CD96: variants seen among roughly 807,000 people sequenced by gnomAD.
CD96 encodes the protein T-cell surface protein tactile.
A neutral mutation model predicts 71.3 loss-of-function variants in CD96; 70 were observed. The observed-to-expected ratio is 0.98, with a 90% confidence interval of 0.81 to 1.20. The LOEUF (loss-of-function observed/expected upper bound fraction) is 1.20. CD96 is among the 50% of genes most tolerant of loss of function. The pLI is 0.00. For missense variants in CD96, 742 were observed against 677.5 expected, an observed-to-expected ratio of 1.10 and a Z score of -1.06; for synonymous variants, 248 against 233.0, an observed-to-expected ratio of 1.06 and a Z score of -0.59.
In CD96 at chr3:111,585,334, A is replaced by T. The variant is rs1179011318; in HGVS notation, c.763A>T (p.Ile255Phe). The T allele has an allele frequency of 1.9e-6, 3 of 1,611,028 alleles. No homozygotes were observed. Among genetic ancestry groups the T allele is most frequent in the East Asian group, 4.5e-5 (2 of 44,836 alleles). The change falls in exon 5 of 14, where the codon ATC becomes TTC. Residue 255 changes from isoleucine (I) to phenylalanine (F), a missense_variant. Ile to Phe is a conservative substitution (Grantham distance 21, BLOSUM62 0). Coordinates refer to ENST00000352690, the MANE Select transcript of CD96 (RefSeq NM_005816.5). Reference protein sequence around the residue: ...TTVKVFAKPEIPVIVENNSTD... With the variant: ...TTVKVFAKPEFPVIVENNSTD... ...TATTTGCCTTTAAGCTAAACCAGAA[A>T]TCCCTGTGATTGTGGAAAATAACTC...
chr3:111,584,182 A>C (rs966877522), intron 4 of CD96, among the ~76,000 whole-genome samples: 2 of 152,234 alleles, frequency 1.3e-5, no homozygotes, highest in Non-Finnish European at 2.9e-5. Flanking sequence ...AAATGCTGCC[A>C]GTCTCTTTGC....
Position 111,579,134 on chromosome 3 carries a change from C to T in CD96, c.651C>T (p.Leu217=), listed in dbSNP as rs143028941. 2.8e-5 allele frequency: 44 copies of T among 1,599,626 alleles called. No individual in the cohort carries two copies. Among genetic ancestry groups the T allele is most frequent in the African/African-American group, 6.7e-5 (5 of 74,622 alleles). Residue 217 remains leucine (L), a synonymous_variant, in exon 4 of 14, where the codon CTC becomes CTT. Transcript: ENST00000352690. Reference sequence around the variant, plus strand: ...TTGGTACAGACTACAGACTCCACCTCTCTCCAGTCCAAATCTTCGATGATG... The same window carrying T: ...TTGGTACAGACTACAGACTCCACCTTTCTCCAGTCCAAATCTTCGATGATG... ...VKLGTDYRLH[L]SPVQIFDDGR...
At chr3:111,585,277 T>C (rs764372778) in intron 4 of CD96, 46 bp from the exon 5 acceptor site, 1 of 1,181,936 alleles carries the variant, frequency 8.5e-7, no homozygotes, top group South Asian at 1.2e-5. Flanking sequence ...AGTGGCCAGG[T>C]AGGATGACAT....
chr3:111,596,360 C>G (rs908989774), intron 5 of CD96, among the ~76,000 whole-genome samples: 1 of 152,012 alleles, frequency 6.6e-6, no homozygotes, highest in Non-Finnish European at 1.5e-5. Flanking sequence ...AATCTTGGAA[C>G]GCAAAGTCTA....
intron 2 of CD96, among the ~76,000 whole-genome samples, chr3:111,563,582 A>T (rs555897122): frequency 6.6e-6 from 1 of 152,174 alleles, no homozygotes; most frequent in South Asian, 2.1e-4. Context: ...CGGCCCTAAA[A>T]TTGTTGTTGT....
rs1553713921 is a variant in CD96, at chr3:111,651,896, A to AAAAGAAAGAAAGAAAGAAAGAAAG, written c.*2094_*2117dup. The AAAAGAAAGAAAGAAAGAAAGAAAG allele has an allele frequency of 6.8e-6, 1 of 146,486 alleles. No homozygotes were observed. Among genetic ancestry groups the AAAAGAAAGAAAGAAAGAAAGAAAG allele is most frequent in the African/African-American group, 2.5e-5 (1 of 39,426 alleles). The allele number at this position is 146,486 out of a possible 1,614,324, so 9.1% of individuals were successfully genotyped here. ...GAGACTCCGCCTCAAAAAAAAAAAA[A>AAAAGAAAGAAAGAAAGAAAGAAAG]AAAGAAAGAAAGAAAGAAAGAAAGA... is the stretch of plus-strand genomic sequence containing the variant. On this transcript the variant is annotated 3_prime_UTR_variant, in exon 14 of 14. Transcript: ENST00000352690.
Position 111,594,118 on chromosome 3 carries a change from A to T in CD96, c.808-4002A>T, listed in dbSNP as rs34083626. ...GGCCAACCAGTTCTCCTGTCTCACT[A>T]ATCTCTTCCTCCTCCTTCATCTCTA... is the stretch of plus-strand genomic sequence containing the variant. On this transcript the variant is annotated intron_variant, in intron 5 of 13. Transcript: ENST00000352690. The T allele has an allele frequency of 9.0e-3, 14,551 of 1,613,984 alleles. 1,020 individuals carry two copies. In the African/African-American group the frequency reaches 0.16, roughly 18 times the overall value.
At chr3:111,578,183 C>A (rs1199450693) in intron 3 of CD96, among the ~76,000 whole-genome samples, 1 of 152,156 alleles carries the variant, frequency 6.6e-6, no homozygotes, top group Non-Finnish European at 1.5e-5. Context: ...TACTGGGCCC[C>A]TAGTGAGCAC....
intron 2 of CD96, among the ~76,000 whole-genome samples, chr3:111,566,956 A>G (rs1305901752): frequency 2.0e-5 from 3 of 152,148 alleles, no homozygotes; most frequent in Admixed American, 6.5e-5. Context: ...TTAAGAGTAA[A>G]CCCTAATGTA....
intron 12 of CD96, among the ~76,000 whole-genome samples, chr3:111,647,161 C>T (rs182566847): frequency 1.3e-5 from 2 of 148,304 alleles, no homozygotes; most frequent in East Asian, 3.9e-4. Context: ...AATCTGTACA[C>T]CAAAATCCCC....
intron 10 of CD96, among the ~76,000 whole-genome samples, chr3:111,631,118 T>C (rs530867074): frequency 6.6e-6 from 1 of 152,322 alleles, no homozygotes; most frequent in African/African-American, 2.4e-5. Flanking sequence ...GCGTTTCTAT[T>C]CAACATAGTA....
chr3:111,596,638 T>TA (rs1469295590), intron 5 of CD96, among the ~76,000 whole-genome samples: 2 of 152,142 alleles, frequency 1.3e-5, no homozygotes, highest in Non-Finnish European at 2.9e-5. Context: ...TTTCTTTTTT[T>TA]AAAAAAACAT....
intron 10 of CD96, among the ~76,000 whole-genome samples, chr3:111,625,364 T>A (rs1328389667): frequency 2.0e-5 from 3 of 152,198 alleles, no homozygotes; most frequent in Admixed American, 2.0e-4. Flanking sequence ...ATTTAACATA[T>A]TTCTTTTAAT....
chr3:111,572,740 G>A (rs1011986674), intron 3 of CD96, among the ~76,000 whole-genome samples: 4 of 152,160 alleles, frequency 2.6e-5, no homozygotes, highest in Non-Finnish European at 5.9e-5. Flanking sequence ...AAAAACAAAA[G>A]TGATGTCTTC....
At chr3:111,648,214 G>A (rs539277436) in intron 13 of CD96, among the ~76,000 whole-genome samples, 3 of 152,038 alleles carry the variant, frequency 2.0e-5, no homozygotes, top group East Asian at 1.9e-4. Flanking sequence ...TTCTCCAATC[G>A]GCAGTCTGAA....
chr3:111,616,343 G>A (rs1239619660), intron 8 of CD96, among the ~76,000 whole-genome samples: 1 of 152,086 alleles, frequency 6.6e-6, no homozygotes, highest in Non-Finnish European at 1.5e-5. Context: ...AAGGCTTTAG[G>A]GAATGCAGAG....
intron 11 of CD96, 117 bp downstream of exon 11, chr3:111,637,378 T>A: frequency 1.4e-6 from 1 of 723,100 alleles, no homozygotes; most frequent in Non-Finnish European, 2.6e-6. Context: ...TAAAAGTACA[T>A]CTTGATGATG....
intron 8 of CD96, among the ~76,000 whole-genome samples, chr3:111,616,667 G>A (rs1186622216): frequency 6.6e-6 from 1 of 152,150 alleles, no homozygotes; most frequent in Non-Finnish European, 1.5e-5. Flanking sequence ...CCACCTACTG[G>A]CTCTGTAGCC....
At chr3:111,561,707 C>T (rs1193133462) in intron 2 of CD96, among the ~76,000 whole-genome samples, 1 of 141,460 alleles carries the variant, frequency 7.1e-6, no homozygotes, top group African/African-American at 2.6e-5. Flanking sequence ...CAGAGGCAGG[C>T]AGGCCTCCTT....
Sources: gnomAD v4.1 joint callset for allele counts (sites outside exome capture counted in the v4.1 genomes callset) on GRCh38, gnomAD v4.1.1 for gene constraint, MANE v1.5 for transcripts, NCBI Gene and HGNC (gene_info 2026-07-23, HGNC 2026-07-21) for gene names.